KBTBD2: variants seen among roughly 807,000 people sequenced by gnomAD.
The protein encoded by KBTBD2 is kelch repeat and BTB domain-containing protein 2.
A neutral mutation model predicts 57.1 loss-of-function variants in KBTBD2; 17 were observed. The observed-to-expected ratio is 0.30, with a 90% confidence interval of 0.20 to 0.45. KBTBD2 has a LOEUF of 0.45. KBTBD2 is among the 20% of genes least tolerant of loss of function. The pLI, the probability that KBTBD2 is intolerant of heterozygous loss-of-function variation, is 1.00. For missense variants in KBTBD2, 515 were observed against 750.6 expected, an observed-to-expected ratio of 0.69 and a Z score of 3.67; for synonymous variants, 267 against 262.7, an observed-to-expected ratio of 1.02 and a Z score of -0.16.
At position 32,869,397 on chromosome 7, in the gene KBTBD2, C is replaced by T. The variant is rs1223854826; in HGVS notation, c.1820G>A (p.Gly607Glu). Residue 607 changes from glycine to glutamate, a missense_variant, in exon 4 of 4, where the codon GGG (glycine) becomes GAG (glutamate). Transcript: ENST00000304056. ...TCCATCCAGTTCAAACTCTTCTGTC[C>T]CATCCGTTGAAAAAAGATAAGTTGG... ...KPPTYLFSTDGTEEFELDGEM... is the reference protein window; with the variant it reads ...KPPTYLFSTDETEEFELDGEM... The T allele has an allele frequency of 1.2e-6, 2 of 1,613,764 alleles. No homozygotes were observed. The highest frequency in any genetic ancestry group is 2.2e-5 in the East Asian group (1 of 44,890).
At chr7:32,878,053 A>G (rs1210902653) in intron 2 of KBTBD2, among the ~76,000 whole-genome samples, 1 of 151,438 alleles carries the variant, frequency 6.6e-6, no homozygotes, top group Admixed American at 6.6e-5. Flanking sequence ...CAGAGGTTGC[A>G]GTGAGTCGAG....
chr7:32,870,894 G>GAA lies in KBTBD2; in HGVS notation c.337-16_337-15dup, dbSNP rs78551196. 6.4e-4 allele frequency: 829 copies of GAA among 1,301,104 alleles called. No homozygotes were observed. Among genetic ancestry groups the GAA allele is most frequent in the East Asian group, 1.8e-3 (66 of 36,164 alleles). 80.6% of individuals were successfully genotyped at this position (1,301,104 alleles called of 1,614,324 possible). A position where few individuals can be genotyped will look rare whatever the true frequency, so the allele number is the denominator to read the frequency against. ...CACATCTTCTACCTAGAATGAGAAG[G>GAA]AAAAAAAAAACAGGCTGATAGGGCC... On this transcript the variant is annotated splice_polypyrimidine_tract_variant and intron_variant, in intron 3 of 3. Transcript: ENST00000304056.
At chr7:32,877,241 TCTC>T (rs1784336893) in intron 2 of KBTBD2, among the ~76,000 whole-genome samples, 1 of 152,000 alleles carries the variant, frequency 6.6e-6, no homozygotes, top group Non-Finnish European at 1.5e-5. Context: ...ATGGTTTCAA[TCTC>T]CTGACCTCGT....
At chr7:32,883,613 T>A (rs1376784712) in intron 1 of KBTBD2, among the ~76,000 whole-genome samples, 5 of 152,274 alleles carry the variant, frequency 3.3e-5, no homozygotes, top group African/African-American at 1.2e-4. Flanking sequence ...ATTTTGTATA[T>A]CATTCTATAT....
intron 1 of KBTBD2, among the ~76,000 whole-genome samples, chr7:32,880,630 G>A (rs925521930): frequency 6.6e-6 from 1 of 151,306 alleles, no homozygotes; most frequent in Non-Finnish European, 1.5e-5. Flanking sequence ...AATGTTCTCC[G>A]AATTAATATG....
rs147962017 is a variant in KBTBD2 at position 32,869,233 on chromosome 7, T to A, written c.*112A>T. The stretch of plus-strand genomic sequence containing the variant: ...TTAAGTAGGGCATAAAAATAAAATT[T>A]ATCAAAGATAGAATTTTATGTACTC... On this transcript the variant is annotated 3_prime_UTR_variant, in exon 4 of 4. Coordinates refer to ENST00000304056, the MANE Select transcript of KBTBD2 (RefSeq NM_015483.3). 17 of 725,624 alleles carry A rather than the reference T, an allele frequency of 2.3e-5. 1 individual carries two copies. The highest frequency in any genetic ancestry group is 2.4e-4 in the Middle Eastern group (1 of 4,146). The allele number at this position is 725,624 out of a possible 1,614,324, so 44.9% of individuals were successfully genotyped here.
Position 32,870,263 on chromosome 7 carries a change from G to A in KBTBD2, c.954C>T (p.Ile318=). The change falls in exon 4 of 4, where the codon ATC becomes ATT. Residue 318 remains isoleucine, a synonymous_variant. Coordinates refer to ENST00000304056, the MANE Select transcript of KBTBD2 (RefSeq NM_015483.3). ...VGTVVTPDND[I]YIAGGQVPLK... ...GAGGAACTTGACCCCCTGCTATGTA[G>A]ATATCATTATCAGGAGTTACAACGG... The A allele has an allele frequency of 6.2e-7, 1 of 1,614,110 alleles. No homozygotes were observed. The highest frequency in any genetic ancestry group is 1.7e-5 in the Admixed American group (1 of 60,026).
chr7:32,878,945 G>C (rs1464843540), intron 2 of KBTBD2, among the ~76,000 whole-genome samples: 1 of 152,202 alleles, frequency 6.6e-6, no homozygotes, highest in African/African-American at 2.4e-5. Context: ...ATCTGGCAAA[G>C]AGTCTAGTTA....
chr7:32,887,666 A>G (rs989964584), intron 1 of KBTBD2, among the ~76,000 whole-genome samples: 1 of 152,242 alleles, frequency 6.6e-6, no homozygotes, highest in African/African-American at 2.4e-5. Context: ...CCAATGCTAC[A>G]AATGTCAATA....
chr7:32,869,978 G>A lies in KBTBD2; in HGVS notation c.1239C>T (p.Ser413=). The A allele has an allele frequency of 6.2e-7, 1 of 1,614,068 alleles. No homozygotes were observed. Among genetic ancestry groups the A allele is most frequent in the Non-Finnish European group, 8.5e-7 (1 of 1,180,006 alleles). Residue 413 remains serine, a synonymous_variant, in exon 4 of 4, where the codon AGC becomes AGT. Transcript: ENST00000304056. The part of the protein sequence containing the change: ...DTEKDEWTMV[S]PLPCAWQWSA... ...TCCATTGCCAAGCACAAGGTAAAGG[G>A]CTTACCATCGTCCACTCATCTTTCT...
chr7:32,871,394 G>A (rs916709351), intron 3 of KBTBD2, among the ~76,000 whole-genome samples: 25 of 152,290 alleles, frequency 1.6e-4, no homozygotes, highest in Admixed American at 1.3e-3. Flanking sequence ...AAAGCAACAC[G>A]AAATAGACTT....
intron 1 of KBTBD2, among the ~76,000 whole-genome samples, chr7:32,884,794 A>G (rs1156561522): frequency 6.6e-6 from 1 of 152,002 alleles, no homozygotes; most frequent in Non-Finnish European, 1.5e-5. Flanking sequence ...GGGAGCCATA[A>G]GGTCTCTATC....
intron 1 of KBTBD2, among the ~76,000 whole-genome samples, chr7:32,888,290 T>C (rs1350937844): frequency 6.6e-6 from 1 of 152,108 alleles, no homozygotes; most frequent in East Asian, 1.9e-4. Context: ...CGACCAATCT[T>C]GAGGAGGCTG....
rs1005665917 is a variant in KBTBD2, at chr7:32,879,298, G to A, written c.170+137C>T. The A allele has an allele frequency of 2.0e-5, 12 of 599,266 alleles. No homozygotes were observed. The Admixed American group carries it at 3.6e-4, about 18-fold the overall frequency. 37.1% of individuals were successfully genotyped at this position (599,266 alleles called of 1,614,324 possible). Reference sequence around the variant, plus strand: ...TTTCATGTGTCTCTTACACATGCAAGAATGAGATTTGCCAAGTACTACATC... The same window carrying A: ...TTTCATGTGTCTCTTACACATGCAAAAATGAGATTTGCCAAGTACTACATC... On this transcript the variant is annotated intron_variant, in intron 2 of 3. Coordinates refer to ENST00000304056, the MANE Select transcript of KBTBD2 (RefSeq NM_015483.3).
chr7:32,891,955 G>A (rs1784769693), upstream of KBTBD2: 1 of 133,840 alleles, frequency 7.5e-6, no homozygotes, highest in Non-Finnish European at 1.6e-5. Context: ...CGCGCGCAAT[G>A]GACCGCTGGC....
intron 1 of KBTBD2, among the ~76,000 whole-genome samples, chr7:32,885,220 G>T (rs946698997): frequency 6.6e-6 from 1 of 151,410 alleles, no homozygotes; most frequent in African/African-American, 2.4e-5. Flanking sequence ...ACTAAAATAC[G>T]TACCTCAAGT....
chr7:32,875,765 T>C (rs375565986), intron 2 of KBTBD2, among the ~76,000 whole-genome samples: 23 of 152,202 alleles, frequency 1.5e-4, no homozygotes, highest in African/African-American at 5.3e-4. Flanking sequence ...CCTGAAAACA[T>C]TATGCTCAGT....
chr7:32,871,745 A>T (rs748770846), intron 3 of KBTBD2, among the ~76,000 whole-genome samples: 3 of 152,206 alleles, frequency 2.0e-5, no homozygotes, highest in African/African-American at 7.2e-5. Flanking sequence ...ATAAAGTATC[A>T]GTACACCATC....
chr7:32,877,704 AC>A, intron 2 of KBTBD2, among the ~76,000 whole-genome samples: 1 of 152,158 alleles, frequency 6.6e-6, no homozygotes, highest in Non-Finnish European at 1.5e-5. Flanking sequence ...GATGGCTTCA[AC>A]CCCAAACACA....
Sources: gnomAD v4.1 joint callset for allele counts (sites outside exome capture counted in the v4.1 genomes callset) on GRCh38, gnomAD v4.1.1 for gene constraint, MANE v1.5 for transcripts, NCBI Gene and HGNC (gene_info 2026-07-23, HGNC 2026-07-21) for gene names.